FBLN2: variants seen among roughly 807,000 people sequenced by gnomAD.
FBLN2 encodes the protein fibulin 2, also known as fibulin-2.
A neutral mutation model predicts 123.7 loss-of-function variants in FBLN2; 81 were observed. The observed-to-expected ratio is 0.65, with a 90% CI of 0.55 to 0.79. FBLN2 has a LOEUF of 0.79. Among genes scored for constraint, FBLN2 ranks in the 30% least tolerant of loss-of-function variants. FBLN2 has a pLI of 0.00. For synonymous variants in FBLN2, 699 were observed against 701.4 expected (o/e 1.00, Z 0.05); for missense variants, 1,603 against 1,681.3 (o/e 0.95, Z 0.81).
intron 1 of FBLN2, among the ~76,000 whole-genome samples, chr3:13,569,694 G>T (rs1179569682): frequency 6.6e-6 from 1 of 152,048 alleles, no homozygotes; most frequent in Non-Finnish European, 1.5e-5. Context: ...CCTAGGGTCT[G>T]CGGGCTGGGG....
chr3:13,629,387 C>T, intron 13 of FBLN2, 95 bp downstream of exon 13: 1 of 1,422,598 alleles, frequency 7.0e-7, no homozygotes, highest in South Asian at 1.4e-5. Flanking sequence ...CCTCCACTGC[C>T]TGAGTGGGGC....
chr3:13,597,890 C>G (rs146524341), intron 2 of FBLN2, among the ~76,000 whole-genome samples: 1 of 152,338 alleles, frequency 6.6e-6, no homozygotes, highest in East Asian at 1.9e-4. Context: ...TGGGCCATGT[C>G]ACTGCCAACC....
At chr3:13,618,524 G>A (rs568893325) in intron 6 of FBLN2, among the ~76,000 whole-genome samples, 33 of 152,328 alleles carry the variant, frequency 2.2e-4, no homozygotes, top group South Asian at 6.2e-4. Flanking sequence ...ATATTCGAGC[G>A]CAGGGACAGG....
intron 2 of FBLN2, among the ~76,000 whole-genome samples, chr3:13,575,644 C>A (rs6766467): frequency 6.6e-6 from 1 of 152,056 alleles, no homozygotes; most frequent in Non-Finnish European, 1.5e-5. Context: ...TCTCTAGGAT[C>A]CCACAGCCCA....
intron 4 of FBLN2, 46 bp downstream of exon 4, chr3:13,609,688 G>GGGGGGGGGGGGGCCC: frequency 9.8e-6 from 5 of 512,570 alleles, no homozygotes; most frequent in Non-Finnish European, 1.8e-5. Context: ...GTGGGGCGGG[G>GGGGGGGGGGGGGCCC]CGGGAGGCTG....
intron 9 of FBLN2, among the ~76,000 whole-genome samples, chr3:13,624,760 C>G (rs1705970504): frequency 6.6e-6 from 1 of 152,244 alleles, no homozygotes; most frequent in African/African-American, 2.4e-5. Context: ...CTGGGGCCGA[C>G]ACACCCACTT....
intron 2 of FBLN2, among the ~76,000 whole-genome samples, chr3:13,594,539 C>G (rs1376133056): frequency 2.6e-5 from 4 of 152,126 alleles, no homozygotes; most frequent in Non-Finnish European, 4.4e-5. Context: ...TCGTTTAAAC[C>G]CTGTATGTTT....
At chr3:13,556,333 G>A (rs1038524862) in intron 1 of FBLN2, among the ~76,000 whole-genome samples, 7 of 151,956 alleles carry the variant, frequency 4.6e-5, no homozygotes, top group African/African-American at 1.7e-4. Context: ...GGGAAGCGGC[G>A]GACGGAGAGA....
chr3:13,560,326 G>A (rs1703569650), intron 1 of FBLN2, among the ~76,000 whole-genome samples: 1 of 152,104 alleles, frequency 6.6e-6, no homozygotes, highest in Non-Finnish European at 1.5e-5. Flanking sequence ...GTTTTCATGA[G>A]CTCACCCTGT....
intron 4 of FBLN2, among the ~76,000 whole-genome samples, chr3:13,611,512 T>G (rs1705391300): frequency 6.6e-6 from 1 of 152,212 alleles, no homozygotes; most frequent in Non-Finnish European, 1.5e-5. Context: ...CTCATGTAAG[T>G]GGAATTATAC....
chr3:13,559,247 T>G (rs1703544990), intron 1 of FBLN2, among the ~76,000 whole-genome samples: 1 of 54,200 alleles, frequency 1.8e-5, no homozygotes. Flanking sequence ...CAAGTTAGGT[T>G]AATCAAAAGG....
In FBLN2 at chr3:13,609,599, G is replaced by T; in HGVS notation, c.1505G>T (p.Cys502Phe). The change falls in exon 4 of 18, where the codon TGT (cysteine) becomes TTT (phenylalanine). Residue 502 changes from cysteine to phenylalanine, a missense_variant. By Grantham distance (205) the Cys-to-Phe change is radical (BLOSUM62 -2). Coordinates refer to ENST00000404922, the MANE Select transcript of FBLN2 (RefSeq NM_001004019.2). ...CTGGGAGCCAAGGAGGGTGAGACCT[G>T]TGGGGCTGAGGACAACGACAGCTGC... ...GVLGAKEGETCGAEDNDSCGI... is the reference protein window; with the variant it reads ...GVLGAKEGETFGAEDNDSCGI... The T allele has an allele frequency of 6.4e-7, 1 of 1,571,322 alleles. No individual in the cohort carries two copies. The highest frequency in any genetic ancestry group is 2.3e-5 in the East Asian group (1 of 42,846).
At chr3:13,574,558 A>G (rs1304723975) in intron 2 of FBLN2, among the ~76,000 whole-genome samples, 2 of 152,158 alleles carry the variant, frequency 1.3e-5, no homozygotes, top group Non-Finnish European at 2.9e-5. Flanking sequence ...GATCCCTGGC[A>G]GGGCTCCAGC....
intron 4 of FBLN2, among the ~76,000 whole-genome samples, chr3:13,610,225 A>G (rs1393562953): frequency 6.6e-6 from 1 of 152,158 alleles, no homozygotes; most frequent in Non-Finnish European, 1.5e-5. Context: ...GTGTGGCTGG[A>G]GTGCATCGAG....
At chr3:13,579,817 G>A (rs1285383422) in intron 2 of FBLN2, among the ~76,000 whole-genome samples, 1 of 152,058 alleles carries the variant, frequency 6.6e-6, no homozygotes, top group Non-Finnish European at 1.5e-5. Context: ...TTTTTTCTTT[G>A]TACGCTGTTC....
rs1705320707 is a variant in FBLN2, at chr3:13,609,591, T to C, written c.1497T>C (p.Gly499=). 2.6e-6 allele frequency: 4 copies of C among 1,558,574 alleles called. No individual in the cohort carries two copies. Among genetic ancestry groups the C allele is most frequent in the East Asian group, 4.7e-5 (2 of 42,182 alleles). ...CCGGCGTCCTGGGAGCCAAGGAGGGTGAGACCTGTGGGGCTGAGGACAACG... is the reference window on the plus strand; with the variant it reads ...CCGGCGTCCTGGGAGCCAAGGAGGGCGAGACCTGTGGGGCTGAGGACAACG... ...CMAGVLGAKE[G]ETCGAEDNDS... Residue 499 remains glycine, a synonymous_variant, in exon 4 of 18, where the codon GGT becomes GGC. Coordinates refer to ENST00000404922, the MANE Select transcript of FBLN2 (RefSeq NM_001004019.2).
chr3:13,619,864 A>G (rs1170620495), intron 8 of FBLN2, 33 bp downstream of exon 8: 2 of 1,566,902 alleles, frequency 1.3e-6, no homozygotes, highest in Admixed American at 3.8e-5. Flanking sequence ...CTACCTGTGC[A>G]AACCTGAGTT....
At chr3:13,561,892 T>C (rs1436299977) in intron 1 of FBLN2, among the ~76,000 whole-genome samples, 1 of 152,242 alleles carries the variant, frequency 6.6e-6, no homozygotes, top group African/African-American at 2.4e-5. Context: ...TTACTACTTA[T>C]GTGGCCTTGG....
chr3:13,601,577 C>G (rs1224227731), intron 2 of FBLN2, among the ~76,000 whole-genome samples: 1 of 152,170 alleles, frequency 6.6e-6, no homozygotes, highest in South Asian at 2.1e-4. Flanking sequence ...AGCACTGATC[C>G]CGGCCTCCGA....
Sources: gnomAD v4.1 joint callset for allele counts (sites outside exome capture counted in the v4.1 genomes callset) on GRCh38, gnomAD v4.1.1 for gene constraint, MANE v1.5 for transcripts, NCBI Gene and HGNC (gene_info 2026-07-23, HGNC 2026-07-21) for gene names.